Variants in FBN2 observed in about 807,000 individuals in gnomAD.
FBN2 encodes the protein fibrillin-2.
A neutral mutation model predicts 355.6 loss-of-function variants in FBN2; 105 were observed. The observed-to-expected ratio is 0.30, with a 90% CI of 0.25 to 0.35. The LOEUF is 0.35. FBN2 is among the 10% of genes least tolerant of loss of function. The probability of loss-of-function intolerance (pLI) is 1.00; values close to 1 mark genes in which losing one functional copy is unlikely to be tolerated. For missense variants in FBN2, 3,280 were observed against 3,758.7 expected (o/e 0.87, Z 3.33); for synonymous variants, 1,350 against 1,301.2 (o/e 1.04, Z -0.81).
intron 5 of FBN2, among the ~76,000 whole-genome samples, chr5:128,498,413 G>A (rs767895221): frequency 6.6e-6 from 1 of 152,172 alleles, no homozygotes; most frequent in African/African-American, 2.4e-5. Flanking sequence ...CTGCTCAGCT[G>A]TTCTTTGATC....
chr5:128,451,377 ACCT>A (rs936578513), intron 6 of FBN2, among the ~76,000 whole-genome samples: 91 of 152,070 alleles, frequency 6.0e-4, no homozygotes, highest in African/African-American at 2.2e-3. Flanking sequence ...CACATTTTAA[ACCT>A]CATTATTATT....
chr5:128,288,086 A>G (rs1749209290), intron 53 of FBN2, among the ~76,000 whole-genome samples: 1 of 152,204 alleles, frequency 6.6e-6, no homozygotes, highest in Admixed American at 6.5e-5. Context: ...AGAGTAATAT[A>G]ACTGATTTCG....
At chr5:128,421,475 G>C (rs1753348914) in intron 7 of FBN2, among the ~76,000 whole-genome samples, 1 of 152,148 alleles carries the variant, frequency 6.6e-6, no homozygotes, top group African/African-American at 2.4e-5. Context: ...AATCAGTAAA[G>C]TAAAAAATAT....
intron 11 of FBN2, among the ~76,000 whole-genome samples, chr5:128,379,122 C>A (rs1752162136): frequency 6.6e-6 from 1 of 151,978 alleles, no homozygotes; most frequent in South Asian, 2.1e-4. Flanking sequence ...TTGCTTTAAT[C>A]AAGAATTAAA....
intron 5 of FBN2, 26 bp from the exon 6 acceptor site, chr5:128,464,947 A>G: frequency 6.2e-7 from 1 of 1,609,828 alleles, no homozygotes; most frequent in Non-Finnish European, 8.5e-7. Flanking sequence ...AGAAAGAAAG[A>G]CAGGTTTTAT....
chr5:128,269,584 C>T lies in FBN2; in HGVS notation c.7960+2415G>A, dbSNP rs1490964748. Among the ~76,000 whole-genome samples the T allele has an allele frequency of 7.2e-5, 11 of 152,144 alleles. No homozygotes were observed. In the East Asian group the frequency reaches 2.1e-3, roughly 29 times the overall value. ...AATCACAAGCATTCCTATACACCAA[C>T]AATAGACAAGCAGAGAGTCAAACAA... On this transcript the variant is annotated intron_variant, in intron 62 of 64. Coordinates refer to ENST00000262464, the MANE Select transcript of FBN2 (RefSeq NM_001999.4).
intron 5 of FBN2, among the ~76,000 whole-genome samples, chr5:128,509,752 A>C (rs1030869650): frequency 2.0e-5 from 3 of 152,092 alleles, no homozygotes; most frequent in Non-Finnish European, 4.4e-5. Context: ...GTTACTTTTA[A>C]AATTTATTCT....
intron 61 of FBN2, among the ~76,000 whole-genome samples, chr5:128,272,473 T>TATAC: frequency 6.8e-6 from 1 of 146,998 alleles, no homozygotes; most frequent in Middle Eastern, 3.6e-3. Context: ...CATATATATA[T>TATAC]ATATATATAT....
chr5:128,418,489 A>G (rs556178630), intron 7 of FBN2, among the ~76,000 whole-genome samples: 1 of 152,204 alleles, frequency 6.6e-6, no homozygotes, highest in South Asian at 2.1e-4. Flanking sequence ...TATTGCTACA[A>G]ACTTTCCTCT....
intron 21 of FBN2, among the ~76,000 whole-genome samples, chr5:128,350,531 C>CGCTCGG (rs1046142051): frequency 5.9e-5 from 9 of 152,246 alleles, no homozygotes; most frequent in Admixed American, 3.3e-4. Context: ...AGCCTGGTGA[C>CGCTCGG]AGAGCGAGAC....
At chr5:128,523,342 T>G (rs1756484949) in intron 4 of FBN2, among the ~76,000 whole-genome samples, 1 of 152,094 alleles carries the variant, frequency 6.6e-6, no homozygotes, top group Non-Finnish European at 1.5e-5. Flanking sequence ...CTCTCTCAGT[T>G]TTCATTCCAT....
chr5:128,424,449 A>T (rs947409610), intron 7 of FBN2, among the ~76,000 whole-genome samples: 1 of 152,142 alleles, frequency 6.6e-6, no homozygotes, highest in Non-Finnish European at 1.5e-5. Context: ...AAAGGGAAGG[A>T]TATTTTTTAG....
At chr5:128,469,823 C>A (rs192610331) in intron 5 of FBN2, among the ~76,000 whole-genome samples, 1 of 152,154 alleles carries the variant, frequency 6.6e-6, no homozygotes, top group Non-Finnish European at 1.5e-5. Flanking sequence ...CTGATGGTGT[C>A]ATTTCCTGAT....
In FBN2 at chr5:128,350,939, G is replaced by C; in HGVS notation, c.2741C>G (p.Ala914Gly). Residue 914 changes from alanine (A) to glycine (G), a missense_variant, in exon 21 of 65, where the codon GCC (alanine) becomes GGC (glycine). Around this residue, in one of 6 missense-constraint regions of FBN2, gnomAD observed 2,284 missense variants for 2,749.5 expected, o/e 0.83. Coordinates refer to ENST00000262464, the MANE Select transcript of FBN2 (RefSeq NM_001999.4). ...GGCACAGCATTCAGATTTCAGAGTG[G>C]CTCCATTAATATTCACCTCACAGCG... ...DSRCEVNINGATLKSECCATL... is the reference protein window; with the variant it reads ...DSRCEVNINGGTLKSECCATL... 6.2e-7 allele frequency: 1 copy of C among 1,614,096 alleles called. No homozygotes were observed. Among genetic ancestry groups the C allele is most frequent in the Non-Finnish European group, 8.5e-7 (1 of 1,179,986 alleles).
chr5:128,295,316 C>T lies in FBN2; in HGVS notation c.6167-3662G>A, dbSNP rs1023867297. Among the ~76,000 whole-genome samples the T allele has an allele frequency of 8.0e-4, 121 of 152,086 alleles. 1 individual carries two copies. Among genetic ancestry groups the T allele is most frequent in the Middle Eastern group, 3.4e-3 (1 of 294 alleles). On this transcript the variant is annotated intron_variant, in intron 48 of 64. Transcript: ENST00000262464. ...TTGGCTCAGGATTGCCTTGGTGATG[C>T]GGGCTCTTTTTTGGTTCCATATGAA...
At chr5:128,447,314 AT>A (rs1451242791) in intron 6 of FBN2, among the ~76,000 whole-genome samples, 1 of 152,212 alleles carries the variant, frequency 6.6e-6, no homozygotes, top group Admixed American at 6.5e-5. Flanking sequence ...TAGGAGAAAT[AT>A]CGCTGAATTC....
intron 34 of FBN2, among the ~76,000 whole-genome samples, chr5:128,322,314 T>A (rs1750400635): frequency 6.6e-6 from 1 of 152,246 alleles, no homozygotes; most frequent in Non-Finnish European, 1.5e-5. Context: ...CAATTTTGGC[T>A]TTTGTTGCCA....
In FBN2 at chr5:128,278,932, T is replaced by G; in HGVS notation, c.7139-91A>C. The G allele has an allele frequency of 2.9e-6, 3 of 1,023,280 alleles. No homozygotes were observed. In the South Asian group the frequency reaches 4.1e-5, roughly 14 times the overall value. The allele number at this position is 1,023,280 out of a possible 1,614,324, so 63.4% of individuals were successfully genotyped here. The stretch of plus-strand genomic sequence containing the variant: ...TTAAGCAGGGCAGTCAAGAATTTCC[T>G]CCTTAGGAATAATTAAGACAGCTTA... On this transcript the variant is annotated intron_variant, in intron 56 of 64. Transcript: ENST00000262464.
intron 62 of FBN2, among the ~76,000 whole-genome samples, chr5:128,269,907 A>G (rs1765224599): frequency 6.6e-6 from 1 of 152,222 alleles, no homozygotes; most frequent in Non-Finnish European, 1.5e-5. Flanking sequence ...AGCAAAAGGA[A>G]CAAAGCTGGA....
Sources: allele counts gnomAD v4.1 joint callset (sites outside exome capture counted in the v4.1 genomes callset), GRCh38; gene constraint gnomAD v4.1.1; regional missense constraint gnomAD v4.1.1; transcripts MANE v1.5; gene names NCBI Gene and HGNC (gene_info 2026-07-23, HGNC 2026-07-21).